Variants in MPHOSPH9 observed in about 807,000 individuals in gnomAD.
MPHOSPH9 encodes M-phase phosphoprotein 9.
Under a neutral mutation model 145.5 loss-of-function variants are expected in MPHOSPH9, and 88 were observed. The observed-to-expected ratio is 0.60, with a 90% CI of 0.51 to 0.72. The LOEUF (loss-of-function observed/expected upper bound fraction) is 0.72. Among genes scored for constraint, MPHOSPH9 ranks in the 30% least tolerant of loss-of-function variants. The pLI is 0.00. For missense variants in MPHOSPH9, 1,238 were observed against 1,386.6 expected, an observed-to-expected ratio of 0.89 and a Z score of 1.70; for synonymous variants, 435 against 486.2, an observed-to-expected ratio of 0.89 and a Z score of 1.39.
rs1446464871 is a variant in MPHOSPH9, at chr12:123,191,761, G to A, written c.2241+2625C>T. Among the ~76,000 whole-genome samples, 3 of 152,184 alleles carry A rather than the reference G, an allele frequency of 2.0e-5. No individual in the cohort carries two copies. The South Asian group carries it at 6.2e-4, about 31-fold the overall frequency. On this transcript the variant is annotated intron_variant, in intron 13 of 23. Transcript: ENST00000606320. ...CATGCTCAAAGAATGACAAAAGCAA[G>A]TCAAAAGGACACGGGACCAGTCTGA... is the stretch of plus-strand genomic sequence containing the variant.
chr12:123,160,893 G>A (rs1053014648), intron 22 of MPHOSPH9, 44 bp from the exon 23 acceptor site: 3 of 1,582,258 alleles, frequency 1.9e-6, no homozygotes, highest in Non-Finnish European at 2.6e-6. Context: ...CTGGCAGGGA[G>A]GTTTATCACA....
chr12:123,224,282 C>T (rs896927003), intron 3 of MPHOSPH9, among the ~76,000 whole-genome samples: 34 of 151,882 alleles, frequency 2.2e-4, no homozygotes, highest in Middle Eastern at 3.4e-3. Context: ...TACAGGCACC[C>T]GCCACCACAC....
chr12:123,196,611 A>G (rs1197941756), intron 12 of MPHOSPH9, among the ~76,000 whole-genome samples: 1 of 152,226 alleles, frequency 6.6e-6, no homozygotes, highest in African/African-American at 2.4e-5. Flanking sequence ...AAAATTTGGT[A>G]ATGCGTGGGG....
At chr12:123,243,181 A>T (rs1428492127) in intron 1 of MPHOSPH9, among the ~76,000 whole-genome samples, 1 of 152,152 alleles carries the variant, frequency 6.6e-6, no homozygotes, top group Non-Finnish European at 1.5e-5. Flanking sequence ...CTCCATTTCA[A>T]AGTATATCCC....
rs556809800 is a variant in MPHOSPH9, at chr12:123,174,960, T to C, written c.2456+1728A>G. On this transcript the variant is annotated intron_variant, in intron 16 of 23. Transcript: ENST00000606320. The stretch of plus-strand genomic sequence containing the variant: ...AGAATCTCTCCCGAAGAGTCTCTAT[T>C]GTCTATTTCTGTGACCACCACCTAG... Among the ~76,000 whole-genome samples, 4 of 152,222 alleles carry C rather than the reference T, an allele frequency of 2.6e-5. No homozygotes were observed. In the South Asian group the frequency reaches 6.2e-4, roughly 24 times the overall value.
chr12:123,220,326 G>A (rs2047144229), intron 5 of MPHOSPH9, among the ~76,000 whole-genome samples: 1 of 152,044 alleles, frequency 6.6e-6, no homozygotes, highest in African/African-American at 2.4e-5. Context: ...AGCACTTTGG[G>A]AGGCTGAGGT....
chr12:123,157,625 C>A (rs1239744333), intron 23 of MPHOSPH9, among the ~76,000 whole-genome samples: 3 of 152,010 alleles, frequency 2.0e-5, no homozygotes, highest in Admixed American at 6.6e-5. Flanking sequence ...AAACTACAGG[C>A]AGGCACCACC....
At chr12:123,171,178 GT>G (rs1270553636) in intron 16 of MPHOSPH9, among the ~76,000 whole-genome samples, 51 of 152,310 alleles carry the variant, frequency 3.3e-4, no homozygotes, top group African/African-American at 1.2e-3. Flanking sequence ...CCGGGGCCAG[GT>G]ACAGTGGCTC....
chr12:123,226,629 T>C lies in MPHOSPH9; in HGVS notation c.258+834A>G, dbSNP rs79453983. 5.8e-3 allele frequency among the ~76,000 whole-genome samples: 875 copies of C among 151,860 alleles called. 6 individuals carry two copies. The highest frequency in any genetic ancestry group is 0.044 in the South Asian group (212 of 4,796). On this transcript the variant is annotated intron_variant, in intron 3 of 23. Coordinates refer to ENST00000606320, the MANE Select transcript of MPHOSPH9 (RefSeq NM_022782.4). Reference sequence around the variant, plus strand: ...TCAAGTGCTGGGATTACAGGTTCTCTTTTTTTATATATAGAGAGAGACAGG... The same window carrying C: ...TCAAGTGCTGGGATTACAGGTTCTCCTTTTTTATATATAGAGAGAGACAGG...
At chr12:123,170,114 A>T (rs917369855) in intron 16 of MPHOSPH9, among the ~76,000 whole-genome samples, 14 of 150,778 alleles carry the variant, frequency 9.3e-5, no homozygotes, top group African/African-American at 3.2e-4. Context: ...AGCAGCTGGG[A>T]CTACAGGCGC....
intron 15 of MPHOSPH9, 79 bp from the exon 16 acceptor site, chr12:123,176,868 G>C: frequency 3.6e-6 from 4 of 1,117,278 alleles, no homozygotes; most frequent in Non-Finnish European, 5.2e-6. Context: ...TTATTTAACA[G>C]ACCCTCCTAA....
At chr12:123,164,166 A>C (rs1257728865) in intron 18 of MPHOSPH9, 76 bp from the exon 19 acceptor site, 10 of 1,547,202 alleles carry the variant, frequency 6.5e-6, no homozygotes, top group African/African-American at 1.4e-5. Context: ...ACCTTTATTA[A>C]CAGGTGGTTA....
chr12:123,163,152 G>A lies in MPHOSPH9; in HGVS notation c.2909-18C>T, dbSNP rs748508890. 24 of 1,566,110 alleles carry A rather than the reference G, an allele frequency of 1.5e-5. No homozygotes were observed. The highest frequency in any genetic ancestry group is 1.6e-5 in the Non-Finnish European group (19 of 1,163,136). On this transcript the variant is annotated intron_variant, in intron 19 of 23. Coordinates refer to ENST00000606320, the MANE Select transcript of MPHOSPH9 (RefSeq NM_022782.4). The stretch of plus-strand genomic sequence containing the variant: ...TCTTTTTGCTATAGAAGAAAATGAA[G>A]AGGAAATATTCTTTTCCTTCTATAT...
chr12:123,171,252 G>A (rs1462455487), intron 16 of MPHOSPH9, among the ~76,000 whole-genome samples: 2 of 151,802 alleles, frequency 1.3e-5, no homozygotes, highest in Non-Finnish European at 2.9e-5. Flanking sequence ...TCAGGAGTTC[G>A]AGACCAGCCT....
At chr12:123,230,710 G>A (rs1002838385) in intron 1 of MPHOSPH9, among the ~76,000 whole-genome samples, 188 bp from the exon 2 acceptor site, 6 of 152,112 alleles carry the variant, frequency 3.9e-5, no homozygotes, top group African/African-American at 1.4e-4. Flanking sequence ...ATAAACGAAT[G>A]AAGCATATTC....
chr12:123,223,139 TA>T lies in MPHOSPH9; in HGVS notation c.259-13del. On this transcript the variant is annotated splice_polypyrimidine_tract_variant and intron_variant, in intron 3 of 23. Transcript: ENST00000606320. The stretch of plus-strand genomic sequence containing the variant: ...TGTAACCACCTGGTCTATTAAATTA[TA>T]AAATATTTTAGTTAAAAATAATTTT... The T allele has an allele frequency of 7.6e-7, 1 of 1,322,152 alleles. No homozygotes were observed. Among genetic ancestry groups the T allele is most frequent in the Non-Finnish European group, 9.7e-7 (1 of 1,030,868 alleles). 81.9% of individuals were successfully genotyped at this position (1,322,152 alleles called of 1,614,324 possible). A position where few individuals can be genotyped will look rare whatever the true frequency, so the allele number is the denominator to read the frequency against.
At chr12:123,176,866 CAG>C in intron 15 of MPHOSPH9, 77 bp from the exon 16 acceptor site, 1 of 1,130,208 alleles carries the variant, frequency 8.8e-7, no homozygotes, top group South Asian at 1.3e-5. Context: ...GTTTATTTAA[CAG>C]ACCCTCCTAA....
At chr12:123,234,677 A>C (rs191176772), upstream of MPHOSPH9, among the ~76,000 whole-genome samples, 2 of 152,206 alleles carry the variant, frequency 1.3e-5, no homozygotes, top group Non-Finnish European at 2.9e-5. Context: ...GATTACAGGC[A>C]TGAGCCACCA....
intron 8 of MPHOSPH9, among the ~76,000 whole-genome samples, chr12:123,204,388 T>TGAA (rs1243237900): frequency 1.3e-5 from 2 of 152,078 alleles, no homozygotes; most frequent in East Asian, 3.9e-4. Context: ...TTCATATGGC[T>TGAA]GAAGAAAAAG....
Sources: allele counts gnomAD v4.1 joint callset (sites outside exome capture counted in the v4.1 genomes callset), GRCh38; gene constraint gnomAD v4.1.1; transcripts MANE v1.5; gene names NCBI Gene and HGNC (gene_info 2026-07-23, HGNC 2026-07-21).